THBS4: variants seen among roughly 807,000 people sequenced by gnomAD.
THBS4 encodes thrombospondin 4, also known as thrombospondin-4.
THBS4 carries 90 observed loss-of-function variants against 115.7 expected under a neutral mutation model. That is an observed-to-expected ratio of 0.78 (90% CI 0.66 to 0.93). The LOEUF (loss-of-function observed/expected upper bound fraction) is 0.93, where lower values mean the gene tolerates loss of function less well. THBS4 is among the 40% of genes least tolerant of loss of function. The pLI, the probability that THBS4 is intolerant of heterozygous loss-of-function variation, is 0.00. For missense variants in THBS4, 1,087 were observed against 1,232.7 expected, an observed-to-expected ratio of 0.88 and a Z score of 1.77; for synonymous variants, 460 against 479.3, an observed-to-expected ratio of 0.96 and a Z score of 0.53.
intron 1 of THBS4, among the ~76,000 whole-genome samples, chr5:79,995,307 G>T (rs1456918553): frequency 6.6e-6 from 1 of 152,186 alleles, no homozygotes; most frequent in Non-Finnish European, 1.5e-5. Context: ...ATTAAATAAA[G>T]TAAAAGTGTG....
chr5:80,048,363 T>G (rs1451261419), intron 2 of THBS4, among the ~76,000 whole-genome samples: 1 of 152,194 alleles, frequency 6.6e-6, no homozygotes, highest in African/African-American at 2.4e-5. Flanking sequence ...GCTGCACTTT[T>G]ATTGAAGGAA....
chr5:80,049,915 G>T (rs1022505048), intron 2 of THBS4, among the ~76,000 whole-genome samples: 28 of 152,288 alleles, frequency 1.8e-4, no homozygotes, highest in Non-Finnish European at 4.0e-4. Flanking sequence ...AGTAGGAAGG[G>T]GAGTCAGGAA....
intron 2 of THBS4, among the ~76,000 whole-genome samples, chr5:80,054,069 G>C (rs182943103): frequency 1.3e-5 from 2 of 151,692 alleles, no homozygotes; most frequent in African/African-American, 4.8e-5. Context: ...ACCCACATAG[G>C]AAAAACAAAA....
rs909525950 is a variant in THBS4, at chr5:80,078,171, GT to G, written c.2210del (p.Val737AlafsTer17). The G allele has an allele frequency of 5.0e-6, 8 of 1,609,768 alleles. No individual in the cohort carries two copies. Among genetic ancestry groups the G allele is most frequent in the Non-Finnish European group, 6.8e-6 (8 of 1,177,274 alleles). On this transcript the variant is annotated frameshift_variant, in exon 17 of 22. Transcript: ENST00000350881. LOFTEE classifies it high-confidence loss of function. ...CGACTTCAGGGCTTACCAGACCGTG[GT>G]CCTGGATCCTGAAGGGGATGCCCAG... ...LTDFRAYQTV[V>X]LDPEGDAQID... is the part of the protein sequence containing the mutation.
rs936498890 is a variant in THBS4, at chr5:80,077,274, A to G, written c.2086+226A>G. Among the ~76,000 whole-genome samples the G allele has an allele frequency of 3.3e-5, 5 of 152,202 alleles. 1 individual carries two copies. Among genetic ancestry groups the G allele is most frequent in the Admixed American group, 2.0e-4 (3 of 15,284 alleles). On this transcript the variant is annotated intron_variant, in intron 16 of 21. Coordinates refer to ENST00000350881, the MANE Select transcript of THBS4 (RefSeq NM_003248.6). ...ACTGAGCTGCTTTGCATCTTCCTGA[A>G]CAACCCTAGGATGCCATCACACAGG...
At chr5:80,004,087 C>T (rs184152729) in intron 2 of THBS4, among the ~76,000 whole-genome samples, 11 of 152,240 alleles carry the variant, frequency 7.2e-5, no homozygotes, top group Admixed American at 7.2e-4. Flanking sequence ...CTGAAAATCT[C>T]CTAGTCAGAT....
intron 19 of THBS4, among the ~76,000 whole-genome samples, chr5:80,079,504 T>TGA (rs1194677369): frequency 6.6e-6 from 1 of 152,170 alleles, no homozygotes; most frequent in Non-Finnish European, 1.5e-5. Context: ...TTAGAGTGCA[T>TGA]CTTCAGGCAC....
chr5:80,056,999 A>T (rs1158862340), intron 3 of THBS4, among the ~76,000 whole-genome samples: 1 of 152,230 alleles, frequency 6.6e-6, no homozygotes, highest in African/African-American at 2.4e-5. Context: ...GCCCTTGAAC[A>T]ACAGGAAGCA....
chr5:80,068,283 G>C (rs1387927721), intron 10 of THBS4, among the ~76,000 whole-genome samples, 158 bp downstream of exon 10: 1 of 152,186 alleles, frequency 6.6e-6, no homozygotes, highest in Non-Finnish European at 1.5e-5. Flanking sequence ...CACCGAGTTT[G>C]TGGGGAGCAG....
rs4145069 is a variant in THBS4, at chr5:80,065,665, T to C, written c.1194+188T>C. Among the ~76,000 whole-genome samples, 576 of 152,340 alleles carry C rather than the reference T, an allele frequency of 3.8e-3. 15 individuals carry two copies. In the East Asian group the frequency reaches 0.06, roughly 16 times the overall value. On this transcript the variant is annotated intron_variant, in intron 9 of 21. Transcript: ENST00000350881. ...AGTAATTTTAAAAGTAATTTTTATG[T>C]AAGAATAATTTTATAAGTGCCAAGT...
chr5:80,036,342 T>C (rs115414924), intron 1 of THBS4, among the ~76,000 whole-genome samples: 199 of 151,986 alleles, frequency 1.3e-3, no homozygotes, highest in African/African-American at 4.6e-3. Flanking sequence ...GATATGGACA[T>C]AAAGATGGAA....
chr5:79,992,466 T>G (rs74726271), intron 1 of THBS4, among the ~76,000 whole-genome samples: 8,042 of 152,314 alleles, frequency 0.053, 307 homozygotes, highest in Non-Finnish European at 0.083. Flanking sequence ...TCATTCAAAT[T>G]ACAGTGCCAG....
Position 79,991,365 on chromosome 5 carries a change from C to G in THBS4, n.34C>G. On this transcript the variant is annotated non_coding_transcript_exon_variant, in exon 1 of 4. Transcript: ENST00000510218. ...GGCTCTTGAGAGATGAGAGAAACAA[C>G]GACTGGAGGGATTAAGAAGAACTCT... 4 of 824,880 alleles carry G rather than the reference C, an allele frequency of 4.8e-6. No homozygotes were observed. The South Asian group carries it at 8.5e-5, about 18-fold the overall frequency. The allele number at this position is 824,880 out of a possible 1,614,324, so 51.1% of individuals were successfully genotyped here.
chr5:80,081,261 G>A (rs911584645), intron 20 of THBS4, among the ~76,000 whole-genome samples: 3 of 152,046 alleles, frequency 2.0e-5, no homozygotes, highest in African/African-American at 7.2e-5. Context: ...TACTCTTTTT[G>A]TCTCACAGTG....
chr5:80,022,926 G>A (rs1832406195), intron 2 of THBS4, among the ~76,000 whole-genome samples: 1 of 152,164 alleles, frequency 6.6e-6, no homozygotes, highest in South Asian at 2.1e-4. Flanking sequence ...ACTGCCTGAG[G>A]ATGGTCCACT....
At chr5:80,056,845 T>C (rs528829069) in intron 3 of THBS4, among the ~76,000 whole-genome samples, 2 of 152,368 alleles carry the variant, frequency 1.3e-5, no homozygotes, top group South Asian at 4.1e-4. Context: ...TAATTCATTA[T>C]ATTAATATAT....
At chr5:80,042,290 C>G (rs1832928221) in intron 2 of THBS4, among the ~76,000 whole-genome samples, 2 of 152,332 alleles carry the variant, frequency 1.3e-5, no homozygotes, top group South Asian at 4.1e-4. Flanking sequence ...TTCTGACAAC[C>G]CAGCTACTCA....
upstream of THBS4, among the ~76,000 whole-genome samples, chr5:80,031,737 G>A (rs1832590895): frequency 6.6e-6 from 1 of 152,190 alleles, no homozygotes; most frequent in Non-Finnish European, 1.5e-5. Flanking sequence ...TTAAGCCTCT[G>A]CTTGTGGCAC....
At chr5:80,057,183 A>G (rs1833461841) in intron 3 of THBS4, among the ~76,000 whole-genome samples, 1 of 152,248 alleles carries the variant, frequency 6.6e-6, no homozygotes, top group African/African-American at 2.4e-5. Flanking sequence ...TCAGAATGAC[A>G]GTCAGAAATT....
Sources: gnomAD v4.1 joint callset for allele counts (sites outside exome capture counted in the v4.1 genomes callset) on GRCh38, gnomAD v4.1.1 for gene constraint, MANE v1.5 for transcripts, NCBI Gene and HGNC (gene_info 2026-07-23, HGNC 2026-07-21) for gene names.